The following ADGRV1 variants were observed in gnomAD, a reference collection of about 807,000 sequenced individuals.
ADGRV1 encodes adhesion G protein-coupled receptor V1, also known as G-protein coupled receptor 98.
A neutral mutation model predicts 596.2 loss-of-function variants in ADGRV1; 359 were observed. The ratio of observed to expected loss-of-function variants is 0.60; its 90% confidence interval spans 0.55 to 0.66. The LOEUF (loss-of-function observed/expected upper bound fraction) is 0.66, where lower values mean the gene tolerates loss of function less well. ADGRV1 is among the 30% of genes least tolerant of loss of function. The probability of loss-of-function intolerance (pLI) is 0.00; values close to 1 mark genes in which losing one functional copy is unlikely to be tolerated. For synonymous variants in ADGRV1, 2,681 were observed against 2,679.2 expected (o/e 1.00, Z -0.02); for missense variants, 7,274 against 7,575.6 (o/e 0.96, Z 1.48).
chr5:90,629,206 T>G lies in ADGRV1; in HGVS notation c.1510-4T>G. 1 of 1,507,988 alleles carries G rather than the reference T, an allele frequency of 6.6e-7. No homozygotes were observed. Among genetic ancestry groups the G allele is most frequent in the South Asian group, 1.4e-5 (1 of 70,374 alleles). 93.4% of individuals were successfully genotyped at this position (1,507,988 alleles called of 1,614,324 possible). A position where few individuals can be genotyped will look rare whatever the true frequency, so the allele number is the denominator to read the frequency against. On this transcript the variant is annotated splice_region_variant and splice_polypyrimidine_tract_variant and intron_variant, in intron 8 of 89. Transcript: ENST00000405460. ...TACTTTAATATTTTATTCCTTTACT[T>G]CAGCTTTTGTTCTACATTCAGGATA...
At chr5:90,717,338 A>T (rs1480176253) in intron 43 of ADGRV1, 1 of 151,794 alleles carries the variant, frequency 6.6e-6, no homozygotes, top group South Asian at 2.1e-4. Flanking sequence ...ACATGTACAC[A>T]TATGTAACAA....
intron 77 of ADGRV1, among the ~76,000 whole-genome samples, chr5:90,838,321 AAC>A (rs573940477): frequency 2.2e-3 from 342 of 152,064 alleles, no homozygotes; most frequent in Admixed American, 5.1e-3. Context: ...CTTTTGTAAT[AAC>A]ACACCTTCCT....
intron 84 of ADGRV1, among the ~76,000 whole-genome samples, chr5:90,974,135 C>T (rs1160220006): frequency 6.6e-6 from 1 of 152,244 alleles, no homozygotes; most frequent in East Asian, 1.9e-4. Context: ...AGGAATCCAA[C>T]TTACAAGGGA....
chr5:91,025,338 ATT>A (rs34385706), intron 85 of ADGRV1, among the ~76,000 whole-genome samples: 1,853 of 148,090 alleles, frequency 0.013, 34 homozygotes, highest in African/African-American at 0.042. Flanking sequence ...CAAAAGGAAG[ATT>A]TTTTTTTTTT....
chr5:91,127,194 T>C (rs1270732779), intron 87 of ADGRV1, among the ~76,000 whole-genome samples: 1 of 152,160 alleles, frequency 6.6e-6, no homozygotes, highest in African/African-American at 2.4e-5. Flanking sequence ...CTATTATCCC[T>C]TGAATACTCT....
At position 90,803,085 on chromosome 5, in the gene ADGRV1, A is replaced by G. The variant is rs954621264; in HGVS notation, c.14661+203A>G. ...TCAACATTCAGTAGGAAAAAAAGAGATATGTCCATATCTCTTCTTGATATT... is the reference window on the plus strand; with the variant it reads ...TCAACATTCAGTAGGAAAAAAAGAGGTATGTCCATATCTCTTCTTGATATT... On this transcript the variant is annotated intron_variant, in intron 71 of 89. Coordinates refer to ENST00000405460, the MANE Select transcript of ADGRV1 (RefSeq NM_032119.4). Among the ~76,000 whole-genome samples the G allele has an allele frequency of 8.0e-4, 121 of 152,124 alleles. 1 individual carries two copies. The highest frequency in any genetic ancestry group is 2.5e-4 in the Non-Finnish European group (17 of 67,998).
Position 90,745,068 on chromosome 5 carries a change from A to G in ADGRV1, c.10572A>G (p.Gln3524=). Residue 3524 remains glutamine, a synonymous_variant, in exon 51 of 90, where the codon CAA becomes CAG. Transcript: ENST00000405460. The part of the protein sequence containing the change: ...SGIAHILLIG[Q]DMSALYCWNS... ...CAGCCCACATACTTCTTATTGGCCA[A>G]GATATGTCTGCTCTTTACTGCTGGA... 1.2e-6 allele frequency: 2 copies of G among 1,613,730 alleles called. No homozygotes were observed. The highest frequency in any genetic ancestry group is 1.7e-6 in the Non-Finnish European group (2 of 1,179,728).
At chr5:91,018,876 G>T (rs1230029935) in intron 85 of ADGRV1, among the ~76,000 whole-genome samples, 1 of 151,938 alleles carries the variant, frequency 6.6e-6, no homozygotes, top group Non-Finnish European at 1.5e-5. Context: ...AGAGGTTCAA[G>T]ATGTCACAGC....
In ADGRV1 at chr5:90,705,683, A is replaced by T. The variant is rs577752098; in HGVS notation, c.8566+104A>T. ...CTAAAATAAATCGGGGACAGGAGAAAATTAATATTTCTTCATTCAGGACAG... is the reference window on the plus strand; with the variant it reads ...CTAAAATAAATCGGGGACAGGAGAATATTAATATTTCTTCATTCAGGACAG... On this transcript the variant is annotated intron_variant, in intron 37 of 89. Coordinates refer to ENST00000405460, the MANE Select transcript of ADGRV1 (RefSeq NM_032119.4). The T allele has an allele frequency of 4.1e-5, 35 of 850,458 alleles. No homozygotes were observed. The South Asian group carries it at 6.3e-4, about 15-fold the overall frequency. The allele number at this position is 850,458 out of a possible 1,614,324, so 52.7% of individuals were successfully genotyped here. A position where few individuals can be genotyped will look rare whatever the true frequency, so the allele number is the denominator to read the frequency against.
chr5:91,057,069 C>G (rs1423417074), intron 85 of ADGRV1, among the ~76,000 whole-genome samples: 5 of 152,008 alleles, frequency 3.3e-5, no homozygotes, highest in Admixed American at 3.3e-4. Context: ...CCTTTTGTAC[C>G]AACCTAATAT....
chr5:90,619,131 G>T lies in ADGRV1; in HGVS notation c.403G>T (p.Val135Leu). 1.3e-6 allele frequency: 2 copies of T among 1,509,958 alleles called. No homozygotes were observed. Among genetic ancestry groups the T allele is most frequent in the Non-Finnish European group, 1.8e-6 (2 of 1,125,474 alleles). 93.5% of individuals were successfully genotyped at this position (1,509,958 alleles called of 1,614,324 possible). The change falls in exon 4 of 90, where the codon GTG (valine) becomes TTG (leucine). Residue 135 changes from valine to leucine, a missense_variant. Val to Leu is a conservative substitution (Grantham distance 32, BLOSUM62 1). Around this residue, in one of 5 missense-constraint regions of ADGRV1, gnomAD observed 1,715 missense variants for 1,708.8 expected, o/e 1.00. Transcript: ENST00000405460. ...VKLGWPRTVT[V>L]TILSNDNAFG... ...GCTTGGATGGCCAAGGACTGTTACTGTGACAATATTATCAAATGACAATGC... is the reference window on the plus strand; with the variant it reads ...GCTTGGATGGCCAAGGACTGTTACTTTGACAATATTATCAAATGACAATGC...
Position 90,781,547 on chromosome 5 carries a change from T to C in ADGRV1, c.13200T>C (p.Ile4400=), listed in dbSNP as rs1561717525. The change falls in exon 65 of 90, where the codon ATT becomes ATC. Residue 4400 remains isoleucine (I), a synonymous_variant. Coordinates refer to ENST00000405460, the MANE Select transcript of ADGRV1 (RefSeq NM_032119.4). ...AAAATGATAACGCAGAAGGCATCATTGAATTTGACCCAAAGTATACTGCCT... is the reference window on the plus strand; with the variant it reads ...AAAATGATAACGCAGAAGGCATCATCGAATTTGACCCAAAGTATACTGCCT... ...IMKNDNAEGI[I]EFDPKYTAFE... 1 of 1,610,946 alleles carries C rather than the reference T, an allele frequency of 6.2e-7. No individual in the cohort carries two copies. The highest frequency in any genetic ancestry group is 2.2e-5 in the East Asian group (1 of 44,796).
At chr5:90,834,114 TG>T (rs1169205984) in intron 77 of ADGRV1, among the ~76,000 whole-genome samples, 1 of 152,148 alleles carries the variant, frequency 6.6e-6, no homozygotes, top group Non-Finnish European at 1.5e-5. Context: ...GAAAAGTTGT[TG>T]TAGTTATTAT....
intron 50 of ADGRV1, 108 bp downstream of exon 50, chr5:90,729,872 T>TG (rs1752314060): frequency 1.2e-6 from 1 of 861,698 alleles, no homozygotes; most frequent in African/African-American, 1.8e-5. Context: ...CACTGGGTAT[T>TG]TTTTTTTTTT....
chr5:91,059,692 A>G (rs1374082887), intron 85 of ADGRV1, among the ~76,000 whole-genome samples: 1 of 152,174 alleles, frequency 6.6e-6, no homozygotes, highest in East Asian at 1.9e-4. Flanking sequence ...AAAGTGGATA[A>G]AATTTTAGCC....
chr5:90,653,876 T>C lies in ADGRV1; in HGVS notation c.4302T>C (p.Gly1434=), dbSNP rs1239742108. 1.9e-6 allele frequency: 3 copies of C among 1,601,400 alleles called. No individual in the cohort carries two copies. The highest frequency in any genetic ancestry group is 2.6e-6 in the Non-Finnish European group (3 of 1,173,442). ...WLHLLIILED[G]IIEFYLDGNA... ...ATCTACTAATTATCCTGGAGGATGG[T>C]ATAATCGAATTCTACCTGGATGGAA... The change falls in exon 20 of 90, where the codon GGT becomes GGC. Residue 1434 remains glycine, a synonymous_variant. Transcript: ENST00000405460.
At chr5:90,751,989 G>C (rs1162029300) in intron 53 of ADGRV1, among the ~76,000 whole-genome samples, 1 of 152,070 alleles carries the variant, frequency 6.6e-6, no homozygotes, top group Non-Finnish European at 1.5e-5. Context: ...CTTAAACATA[G>C]ACTATAGTTT....
Position 90,598,052 on chromosome 5 carries a change from A to G in ADGRV1, c.23-16783A>G, listed in dbSNP as rs1020852983. On this transcript the variant is annotated intron_variant, in intron 1 of 89. Coordinates refer to ENST00000405460, the MANE Select transcript of ADGRV1 (RefSeq NM_032119.4). ...GTATGAAGATATACTATTCATTTTC[A>G]GTAACTATTCACGCGGTAGTGTGGA... 3.3e-5 allele frequency among the ~76,000 whole-genome samples: 5 copies of G among 152,254 alleles called. No individual in the cohort carries two copies. In the South Asian group the frequency reaches 1.0e-3, roughly 31 times the overall value.
intron 10 of ADGRV1, among the ~76,000 whole-genome samples, chr5:90,636,060 A>G (rs1766157768): frequency 6.6e-6 from 1 of 152,008 alleles, no homozygotes; most frequent in South Asian, 2.1e-4. Flanking sequence ...GTGGAATGCT[A>G]AATCTTAAGA....
Sources: gnomAD v4.1 joint callset for allele counts (sites outside exome capture counted in the v4.1 genomes callset) on GRCh38, gnomAD v4.1.1 for gene constraint, gnomAD v4.1.1 regional missense constraint, MANE v1.5 for transcripts, NCBI Gene and HGNC (gene_info 2026-07-23, HGNC 2026-07-21) for gene names.